Variants in MCTP1 observed in about 807,000 individuals in gnomAD.
MCTP1 encodes multiple C2 and transmembrane domain containing 1, also known as multiple C2 and transmembrane domain-containing protein 1.
MCTP1 carries 69 observed loss-of-function variants against 120.6 expected under a neutral mutation model. That is an observed-to-expected ratio of 0.57 (90% CI 0.47 to 0.70). The LOEUF (loss-of-function observed/expected upper bound fraction) is 0.70, where lower values mean the gene tolerates loss of function less well. Among genes scored for constraint, MCTP1 ranks in the 30% least tolerant of loss-of-function variants. The pLI is 0.00. For missense variants in MCTP1, 1,203 were observed against 1,248.8 expected (o/e 0.96, Z 0.55); for synonymous variants, 529 against 493.1 (o/e 1.07, Z -0.96).
chr5:95,007,038 G>A (rs886438176), intron 2 of MCTP1, among the ~76,000 whole-genome samples: 32 of 152,142 alleles, frequency 2.1e-4, no homozygotes, highest in South Asian at 1.7e-3. Context: ...TCATAGTTCC[G>A]CATGGCTGGA....
chr5:95,000,201 G>T (rs4869226), intron 2 of MCTP1, among the ~76,000 whole-genome samples: 25,862 of 152,074 alleles, frequency 0.17, 2,387 homozygotes, highest in East Asian at 0.31. Flanking sequence ...GTAAAGCTAC[G>T]GTGCTGCCAG....
intron 1 of MCTP1, among the ~76,000 whole-genome samples, chr5:95,150,334 C>T (rs1209458569): frequency 2.0e-5 from 3 of 152,160 alleles, no homozygotes; most frequent in African/African-American, 7.2e-5. Context: ...TGGACTATAA[C>T]TTTTGCTGTT....
At chr5:95,190,103 C>T (rs1023057802) in intron 1 of MCTP1, among the ~76,000 whole-genome samples, 3 of 152,164 alleles carry the variant, frequency 2.0e-5, no homozygotes, top group East Asian at 3.9e-4. Flanking sequence ...TCAAGCTTGC[C>T]GTGTTTTTAA....
intron 15 of MCTP1, 57 bp downstream of exon 15, chr5:94,870,815 A>C: frequency 8.5e-7 from 1 of 1,173,790 alleles, no homozygotes; most frequent in Admixed American, 1.8e-5. Flanking sequence ...TCAGGAACAA[A>C]AGCTTTCATG....
chr5:95,207,335 C>A (rs1054111951), intron 1 of MCTP1, among the ~76,000 whole-genome samples: 1 of 152,064 alleles, frequency 6.6e-6, no homozygotes, highest in Admixed American at 6.6e-5. Context: ...TGATAACCTG[C>A]AAGTTGAAAT....
chr5:94,883,656 T>C (rs1043536433), intron 12 of MCTP1, among the ~76,000 whole-genome samples: 3 of 152,208 alleles, frequency 2.0e-5, no homozygotes, highest in African/African-American at 7.2e-5. Context: ...TTTTAAAGAA[T>C]GATGGTAATA....
intron 1 of MCTP1, among the ~76,000 whole-genome samples, chr5:95,085,820 T>C (rs970062748): frequency 6.6e-6 from 1 of 152,148 alleles, no homozygotes; most frequent in Non-Finnish European, 1.5e-5. Context: ...TTGATTGGTA[T>C]GAAGTCTCAA....
At chr5:94,931,827 G>A in intron 6 of MCTP1, 126 bp downstream of exon 6, 1 of 731,062 alleles carries the variant, frequency 1.4e-6, no homozygotes, top group Non-Finnish European at 2.3e-6. Context: ...TAAATTTATG[G>A]GGAAAAGTAA....
chr5:95,086,738 CA>C (rs2152333542), intron 1 of MCTP1, among the ~76,000 whole-genome samples: 1 of 152,220 alleles, frequency 6.6e-6, no homozygotes, highest in South Asian at 2.1e-4. Context: ...TCATTTTTTA[CA>C]ATCAATGATC....
chr5:95,187,831 T>C (rs1749390925), intron 1 of MCTP1, among the ~76,000 whole-genome samples: 1 of 152,176 alleles, frequency 6.6e-6, no homozygotes, highest in Non-Finnish European at 1.5e-5. Context: ...CTATAGTCAA[T>C]ATTAAGTTAA....
chr5:95,061,419 T>TTG (rs1749126687), intron 1 of MCTP1, among the ~76,000 whole-genome samples: 1 of 19,080 alleles, frequency 5.2e-5, no homozygotes, highest in East Asian at 1.8e-3. Context: ...TTTTTTTTTT[T>TTG]TTTTTTTTTT....
intron 17 of MCTP1, among the ~76,000 whole-genome samples, chr5:94,856,975 A>G (rs183921192): frequency 9.9e-5 from 15 of 151,794 alleles, no homozygotes; most frequent in Non-Finnish European, 1.9e-4. Flanking sequence ...CAGTCAAGAG[A>G]GAAAGGAGAG....
intron 1 of MCTP1, among the ~76,000 whole-genome samples, chr5:95,083,729 A>G (rs571467204): frequency 3.7e-4 from 56 of 152,294 alleles, no homozygotes; most frequent in African/African-American, 1.3e-3. Flanking sequence ...TGATAATACT[A>G]CTGTAATTAC....
intron 1 of MCTP1, among the ~76,000 whole-genome samples, chr5:95,050,723 A>G (rs938891358): frequency 2.0e-5 from 3 of 152,228 alleles, no homozygotes; most frequent in African/African-American, 4.8e-5. Flanking sequence ...ATGCTTTGCT[A>G]TGAGTTAAAT....
At chr5:94,776,309 A>G (rs1051983122) in intron 19 of MCTP1, among the ~76,000 whole-genome samples, 8 of 152,162 alleles carry the variant, frequency 5.3e-5, no homozygotes, top group South Asian at 4.1e-4. Context: ...TGCTGGCTCT[A>G]AAGAAAGACA....
At chr5:94,972,012 C>T (rs1826996496) in intron 2 of MCTP1, among the ~76,000 whole-genome samples, 1 of 152,122 alleles carries the variant, frequency 6.6e-6, no homozygotes, top group Non-Finnish European at 1.5e-5. Context: ...ATGATCTCTG[C>T]CACCATTGCC....
intron 17 of MCTP1, among the ~76,000 whole-genome samples, chr5:94,818,192 AG>A (rs1338000208): frequency 6.6e-6 from 1 of 152,258 alleles, no homozygotes; most frequent in Non-Finnish European, 1.5e-5. Context: ...AGATATGGCA[AG>A]AAACTAAGGT....
At chr5:94,969,989 A>T (rs1266074080) in intron 2 of MCTP1, among the ~76,000 whole-genome samples, 2 of 152,126 alleles carry the variant, frequency 1.3e-5, no homozygotes, top group Admixed American at 6.5e-5. Flanking sequence ...TTATAATCAC[A>T]GGTGGCTTCA....
At chr5:94,761,174 C>T (rs1771248894) in intron 19 of MCTP1, among the ~76,000 whole-genome samples, 1 of 152,170 alleles carries the variant, frequency 6.6e-6, no homozygotes, top group African/African-American at 2.4e-5. Flanking sequence ...TTATATTTGG[C>T]AGACAGTCCC....
Sources: gnomAD v4.1 joint callset for allele counts (sites outside exome capture counted in the v4.1 genomes callset) on GRCh38, gnomAD v4.1.1 for gene constraint, MANE v1.5 for transcripts, NCBI Gene and HGNC (gene_info 2026-07-23, HGNC 2026-07-21) for gene names.